The following SCHIP1 variants were observed in gnomAD, a reference collection of about 807,000 sequenced individuals.
SCHIP1 encodes the protein schwannomin interacting protein 1.
A neutral mutation model predicts 29.7 loss-of-function variants in SCHIP1; 8 were observed. The observed-to-expected ratio is 0.27, with a 90% confidence interval of 0.16 to 0.49. The LOEUF is 0.49. Among genes scored for constraint, SCHIP1 ranks in the 20% least tolerant of loss-of-function variants. SCHIP1 has a pLI of 0.99. For missense variants in SCHIP1, 193 were observed against 294.6 expected (o/e 0.66, Z 2.52); for synonymous variants, 76 against 94.9 (o/e 0.80, Z 1.16).
At chr3:159,429,018 G>A in the SCHIP1 span, among the ~76,000 whole-genome samples, 1 of 149,408 alleles carries the variant, frequency 6.7e-6, no homozygotes, top group Non-Finnish European at 1.5e-5. Context: ...GACACAGGAA[G>A]GGGAACATCA....
chr3:159,550,277 T>C, the SCHIP1 span, among the ~76,000 whole-genome samples: 1 of 152,096 alleles, frequency 6.6e-6, no homozygotes, highest in Non-Finnish European at 1.5e-5. Context: ...ATCCTTTGTA[T>C]TAAATTTTTT....
At chr3:159,725,835 T>A in the SCHIP1 span, among the ~76,000 whole-genome samples, 5 of 152,166 alleles carry the variant, frequency 3.3e-5, no homozygotes, top group Admixed American at 6.5e-5. Flanking sequence ...GGTATAATTA[T>A]ACTAAGGTAA....
At chr3:159,413,468 A>G in the SCHIP1 span, among the ~76,000 whole-genome samples, 1 of 152,208 alleles carries the variant, frequency 6.6e-6, no homozygotes, top group Non-Finnish European at 1.5e-5. Flanking sequence ...CTCAGAGTTG[A>G]AGATTTCTAC....
chr3:159,585,023 T>G, the SCHIP1 span, among the ~76,000 whole-genome samples: 1 of 152,046 alleles, frequency 6.6e-6, no homozygotes, highest in South Asian at 2.1e-4. Flanking sequence ...AAATGTTACC[T>G]TCTCAATGAG....
chr3:159,872,602 G>A (rs573821927), intron 2 of SCHIP1, among the ~76,000 whole-genome samples: 1 of 152,308 alleles, frequency 6.6e-6, no homozygotes, highest in South Asian at 2.1e-4. Flanking sequence ...TTTATATCCT[G>A]TTCTTTCTGA....
chr3:159,888,547 A>G (rs1387250963), intron 4 of SCHIP1: 6 of 318,840 alleles, frequency 1.9e-5, no homozygotes, highest in Non-Finnish European at 3.4e-5. Context: ...TTGATAATTC[A>G]TTTGTGGCTA....
chr3:159,555,859 A>T, the SCHIP1 span, among the ~76,000 whole-genome samples: 1 of 152,170 alleles, frequency 6.6e-6, no homozygotes, highest in African/African-American at 2.4e-5. Context: ...AATTTCCTTT[A>T]AAATTGTTCT....
At chr3:159,850,542 C>CAAAAA (rs61224003) in intron 1 of SCHIP1, among the ~76,000 whole-genome samples, 7 of 104,928 alleles carry the variant, frequency 6.7e-5, no homozygotes, top group Non-Finnish European at 6.1e-5. Flanking sequence ...GATTCCATCT[C>CAAAAA]AAAAAAAAAA....
chr3:159,338,926 A>G, the SCHIP1 span, among the ~76,000 whole-genome samples: 1 of 152,164 alleles, frequency 6.6e-6, no homozygotes, highest in African/African-American at 2.4e-5. Flanking sequence ...GAATTCACAT[A>G]CACTGGAAAA....
chr3:159,323,007 C>T, the SCHIP1 span, among the ~76,000 whole-genome samples: 1 of 152,222 alleles, frequency 6.6e-6, no homozygotes, highest in African/African-American at 2.4e-5. Context: ...ACTGTAACTA[C>T]TCTGTTGCAA....
the SCHIP1 span, among the ~76,000 whole-genome samples, chr3:159,430,100 G>T: frequency 6.6e-6 from 1 of 152,148 alleles, no homozygotes; most frequent in African/African-American, 2.4e-5. Flanking sequence ...TAGGTGAAAT[G>T]ACACTTAGAT....
intron 6 of SCHIP1, among the ~76,000 whole-genome samples, chr3:159,895,127 T>C (rs1717933457): frequency 6.6e-6 from 1 of 152,236 alleles, no homozygotes. Flanking sequence ...CGAAAATGTT[T>C]GATTCTTGTT....
the SCHIP1 span, among the ~76,000 whole-genome samples, chr3:159,763,288 T>C: frequency 6.6e-6 from 1 of 151,048 alleles, no homozygotes; most frequent in African/African-American, 2.4e-5. Context: ...CTTGTGTATG[T>C]GCGTGTGTGA....
the SCHIP1 span, among the ~76,000 whole-genome samples, chr3:159,643,933 A>C: frequency 6.6e-6 from 1 of 151,960 alleles, no homozygotes; most frequent in Non-Finnish European, 1.5e-5. Flanking sequence ...AGCGAGCACC[A>C]CTCATCGTCA....
chr3:159,427,278 C>G, the SCHIP1 span, among the ~76,000 whole-genome samples: 3 of 151,528 alleles, frequency 2.0e-5, no homozygotes, highest in Non-Finnish European at 2.9e-5. Context: ...TTGCAGACGA[C>G]ATGATTGTAT....
chr3:159,540,629 C>G, the SCHIP1 span, among the ~76,000 whole-genome samples: 1 of 152,066 alleles, frequency 6.6e-6, no homozygotes, highest in Non-Finnish European at 1.5e-5. Flanking sequence ...AGAGATAAAA[C>G]TTTCCTTTAG....
At chr3:159,870,482 A>C (rs1273745335) in intron 2 of SCHIP1, among the ~76,000 whole-genome samples, 1 of 152,028 alleles carries the variant, frequency 6.6e-6, no homozygotes, top group Non-Finnish European at 1.5e-5. Context: ...GTTGAAGAAA[A>C]AGTACAATTT....
At chr3:159,414,882 G>T in the SCHIP1 span, among the ~76,000 whole-genome samples, 1 of 152,112 alleles carries the variant, frequency 6.6e-6, no homozygotes. Context: ...TTCTAATGCT[G>T]CCACTGATCT....
the SCHIP1 span, among the ~76,000 whole-genome samples, chr3:159,744,931 G>A: frequency 1.3e-5 from 2 of 152,046 alleles, no homozygotes; most frequent in African/African-American, 4.8e-5. Context: ...GCAGTGAGCC[G>A]AGATTGCGCC....
Sources: allele counts gnomAD v4.1 joint callset (sites outside exome capture counted in the v4.1 genomes callset), GRCh38; gene constraint gnomAD v4.1.1; transcripts MANE v1.5; gene names NCBI Gene and HGNC (gene_info 2026-07-23, HGNC 2026-07-21).